CC2D2B: variants seen among roughly 807,000 people sequenced by gnomAD.
The protein encoded by CC2D2B is coiled-coil and C2 domain containing 2B.
A neutral mutation model predicts 161.2 loss-of-function variants in CC2D2B; 128 were observed. That is an observed-to-expected ratio of 0.79 (90% CI 0.69 to 0.92). CC2D2B has a LOEUF of 0.92. CC2D2B is among the 40% of genes least tolerant of loss of function. The pLI, the probability that CC2D2B is intolerant of heterozygous loss-of-function variation, is 0.00. For missense variants in CC2D2B, 1,173 were observed against 1,375.1 expected (o/e 0.85, Z 2.32); for synonymous variants, 391 against 449.8 (o/e 0.87, Z 1.65).
chr10:95,909,032 G>C (rs1021988130), intron 1 of CC2D2B, among the ~76,000 whole-genome samples: 4 of 151,620 alleles, frequency 2.6e-5, no homozygotes, highest in African/African-American at 9.7e-5. Context: ...ATGATGACTT[G>C]GGAACTGGTC....
At chr10:95,910,483 A>T (rs148419662) in intron 1 of CC2D2B, among the ~76,000 whole-genome samples, 5 of 151,878 alleles carry the variant, frequency 3.3e-5, no homozygotes, top group Non-Finnish European at 7.4e-5. Flanking sequence ...TCCTAGACAG[A>T]CTCTTTTAAA....
chr10:95,965,825 G>A lies in CC2D2B; in HGVS notation c.1251-71G>A, dbSNP rs537294112. 524 of 361,060 alleles carry A rather than the reference G, an allele frequency of 1.5e-3. 2 individuals are homozygous for A. Among genetic ancestry groups the A allele is most frequent in the African/African-American group, 0.011 (503 of 46,424 alleles). The allele number at this position is 361,060 out of a possible 1,614,324, so 22.4% of individuals were successfully genotyped here. On this transcript the variant is annotated intron_variant, in intron 12 of 34. Coordinates refer to ENST00000646931, the MANE Select transcript of CC2D2B (RefSeq NM_001349008.3). ...TGTGTGTGTGTGTGTGTGTGTGTTG[G>A]CAAAATCTCGAACAACTCTCAAATA...
intron 6 of CC2D2B, among the ~76,000 whole-genome samples, chr10:95,936,707 C>A (rs1172149642): frequency 6.6e-6 from 1 of 152,132 alleles, no homozygotes; most frequent in Non-Finnish European, 1.5e-5. Context: ...GTCCAGATCA[C>A]AGCTTGTCTC....
At chr10:95,987,309 G>C in intron 19 of CC2D2B, among the ~76,000 whole-genome samples, 1 of 151,580 alleles carries the variant, frequency 6.6e-6, no homozygotes, top group East Asian at 1.9e-4. Flanking sequence ...GGGTGACAGA[G>C]TGAGACTCTG....
intron 17 of CC2D2B, among the ~76,000 whole-genome samples, chr10:95,977,361 G>A (rs1451076329): frequency 6.6e-6 from 1 of 152,134 alleles, no homozygotes; most frequent in Non-Finnish European, 1.5e-5. Flanking sequence ...GTGACAGAGT[G>A]AGACTCTGTC....
Position 96,032,593 on chromosome 10 carries a change from T to G in CC2D2B, c.*585T>G, listed in dbSNP as rs1249460135. ...TGATACAATTTCAGATGGAAGCTGCTCGAGTGGAAAACTAAGGTCATTGCC... is the reference window on the plus strand; with the variant it reads ...TGATACAATTTCAGATGGAAGCTGCGCGAGTGGAAAACTAAGGTCATTGCC... On this transcript the variant is annotated 3_prime_UTR_variant, in exon 35 of 35. Coordinates refer to ENST00000646931, the MANE Select transcript of CC2D2B (RefSeq NM_001349008.3). 1 of 322,206 alleles carries G rather than the reference T, an allele frequency of 3.1e-6. No homozygotes were observed. The highest frequency in any genetic ancestry group is 6.3e-6 in the Non-Finnish European group (1 of 159,266). The allele number at this position is 322,206 out of a possible 1,614,324, so 20.0% of individuals were successfully genotyped here.
intron 11 of CC2D2B, among the ~76,000 whole-genome samples, chr10:95,959,079 GAC>G (rs1387919351): frequency 5.3e-5 from 8 of 151,334 alleles, no homozygotes; most frequent in Admixed American, 3.9e-4. Flanking sequence ...ATATGGAAAA[GAC>G]AAATCTACAC....
rs185198181 is a variant in CC2D2B, at chr10:95,986,261, T to G, written c.2287-1989T>G. ...TCCCCCAGACATCCAGCTTTAAAATTTCTCTCTTTTGTACTCTTTCCCTTT... is the reference window on the plus strand; with the variant it reads ...TCCCCCAGACATCCAGCTTTAAAATGTCTCTCTTTTGTACTCTTTCCCTTT... On this transcript the variant is annotated intron_variant, in intron 19 of 34. Transcript: ENST00000646931. Among the ~76,000 whole-genome samples the G allele has an allele frequency of 5.4e-3, 825 of 151,586 alleles. 2 individuals carry two copies. The highest frequency in any genetic ancestry group is 0.014 in the Middle Eastern group (4 of 292).
intron 19 of CC2D2B, among the ~76,000 whole-genome samples, chr10:95,986,156 A>G (rs573156820): frequency 2.0e-5 from 3 of 150,340 alleles, no homozygotes; most frequent in East Asian, 2.0e-4. Context: ...TACACTCCCT[A>G]CCTTTTTGAA....
intron 6 of CC2D2B, among the ~76,000 whole-genome samples, chr10:95,933,978 C>T (rs1200023974): frequency 6.6e-6 from 1 of 152,166 alleles, no homozygotes; most frequent in African/African-American, 2.4e-5. Flanking sequence ...AAGCTGTGCC[C>T]ACAGCCGCCC....
intron 9 of CC2D2B, among the ~76,000 whole-genome samples, chr10:95,944,993 A>G (rs2076147411): frequency 6.6e-6 from 1 of 152,208 alleles, no homozygotes; most frequent in African/African-American, 2.4e-5. Context: ...GCTATTGTCA[A>G]TGGATTAGGT....
chr10:95,945,025 C>T (rs1373079309), intron 9 of CC2D2B, among the ~76,000 whole-genome samples: 2 of 152,206 alleles, frequency 1.3e-5, no homozygotes. Context: ...GGGGCTTTTG[C>T]CCTTCCACCA....
chr10:95,926,848 CTGTGTGTGTG>C (rs1209292988), intron 5 of CC2D2B, among the ~76,000 whole-genome samples: 1 of 106,902 alleles, frequency 9.4e-6, no homozygotes, highest in Non-Finnish European at 1.9e-5. Flanking sequence ...GTGTGTGTGT[CTGTGTGTGTG>C]TGTGTGTGTG....
At chr10:95,952,892 A>C (rs1188492788) in intron 10 of CC2D2B, among the ~76,000 whole-genome samples, 2 of 152,300 alleles carry the variant, frequency 1.3e-5, no homozygotes, top group East Asian at 1.9e-4. Flanking sequence ...GATCCATAGA[A>C]GTGAAGTTGC....
chr10:95,918,055 G>A (rs2098519909), intron 2 of CC2D2B, among the ~76,000 whole-genome samples: 1 of 152,112 alleles, frequency 6.6e-6, no homozygotes, highest in Non-Finnish European at 1.5e-5. Flanking sequence ...GGGATTACAG[G>A]TATGAGCCAC....
At chr10:95,973,985 G>A in intron 16 of CC2D2B, 24 bp from the exon 17 acceptor site, 1 of 1,212,716 alleles carries the variant, frequency 8.2e-7, no homozygotes, top group Non-Finnish European at 1.0e-6. Context: ...CAATTCATAT[G>A]TTTTTAATGC....
intron 25 of CC2D2B, 105 bp from the exon 26 acceptor site, chr10:96,009,716 ATTTC>A (rs1325433297): frequency 8.3e-6 from 4 of 479,854 alleles, no homozygotes; most frequent in Middle Eastern, 4.9e-4. Context: ...TTATCTTTTG[ATTTC>A]TTTTTTAGAA....
At chr10:95,956,313 C>G (rs375661403) in intron 11 of CC2D2B, among the ~76,000 whole-genome samples, 1 of 151,152 alleles carries the variant, frequency 6.6e-6, no homozygotes, top group East Asian at 1.9e-4. Context: ...TGAATAAGAG[C>G]CAGTAGAAAT....
At chr10:95,983,923 TTCCTCCCTTCTC>T in intron 19 of CC2D2B, 114 bp downstream of exon 19, 2 of 466,022 alleles carry the variant, frequency 4.3e-6, no homozygotes, top group Non-Finnish European at 6.9e-6. Context: ...GTAGACAGAT[TTCCTCCCTTCTC>T]TTTAGGCATT....
Sources: gnomAD v4.1 joint callset for allele counts (sites outside exome capture counted in the v4.1 genomes callset) on GRCh38, gnomAD v4.1.1 for gene constraint, MANE v1.5 for transcripts, NCBI Gene and HGNC (gene_info 2026-07-23, HGNC 2026-07-21) for gene names.